COPG2: variants seen among roughly 807,000 people sequenced by gnomAD.
COPG2 encodes coatomer subunit gamma-2.
Under a neutral mutation model 46.3 loss-of-function variants are expected in COPG2, and 37 were observed. The observed-to-expected ratio is 0.80, with a 90% confidence interval of 0.61 to 1.05. The LOEUF is 1.05. Among genes scored for constraint, COPG2 ranks in the 50% least tolerant of loss-of-function variants. The pLI is 0.00. For missense variants in COPG2, 427 were observed against 387.8 expected, an observed-to-expected ratio of 1.10 and a Z score of -0.85; for synonymous variants, 159 against 129.7, an observed-to-expected ratio of 1.23 and a Z score of -1.53.
chr7:130,650,593 C>T (rs75440692), intron 5 of COPG2, among the ~76,000 whole-genome samples: 2,397 of 152,184 alleles, frequency 0.016, 41 homozygotes, highest in Admixed American at 0.032. Context: ...GTTAACTAAT[C>T]CGACATCCAT....
chr7:130,584,233 A>T (rs969274916), intron 9 of COPG2, among the ~76,000 whole-genome samples: 1 of 152,068 alleles, frequency 6.6e-6, no homozygotes, highest in African/African-American at 2.4e-5. Context: ...CAATAGATGC[A>T]GAAAAAGCAT....
chr7:130,647,793 T>C (rs563503808), intron 5 of COPG2, among the ~76,000 whole-genome samples: 15 of 151,354 alleles, frequency 9.9e-5, no homozygotes, highest in Non-Finnish European at 1.8e-4. Context: ...TGCAGTGGCA[T>C]GATCTCGGCT....
At chr7:130,643,237 C>A (rs559014981) in intron 5 of COPG2, among the ~76,000 whole-genome samples, 4 of 151,320 alleles carry the variant, frequency 2.6e-5, no homozygotes, top group African/African-American at 9.7e-5. Context: ...GGAGCTTGCA[C>A]TGAGCCAAGA....
At chr7:130,610,799 C>A (rs782559531) in intron 9 of COPG2, 154 bp downstream of exon 9, 1 of 764,424 alleles carries the variant, frequency 1.3e-6, no homozygotes, top group Non-Finnish European at 2.2e-6. Context: ...AAAAGTGTGA[C>A]TTGAAATTCC....
Position 130,663,030 on chromosome 7 carries a change from G to C in COPG2, c.180C>G (p.His60Gln), listed in dbSNP as rs1554460985. 1 of 1,533,790 alleles carries C rather than the reference G, an allele frequency of 6.5e-7. No individual in the cohort carries two copies. Among genetic ancestry groups the C allele is most frequent in the Admixed American group, 2.2e-5 (1 of 45,594 alleles). The change falls in exon 4 of 24, where the codon CAC becomes CAG. Residue 60 changes from histidine (H) to glutamine (Q), a missense_variant. Transcript: ENST00000425248. ...CTTCTGTAGCTTCCGTTGTTCCAAA[G>C]TGTTCACCCTAAGTAAAATTTAAAA... Reference protein sequence around the residue: ...KILYLLNQGEHFGTTEATEAF... With the variant: ...KILYLLNQGEQFGTTEATEAF...
At chr7:130,637,263 T>C (rs1011127242) in intron 5 of COPG2, among the ~76,000 whole-genome samples, 15 of 152,230 alleles carry the variant, frequency 9.9e-5, no homozygotes, top group African/African-American at 3.4e-4. Context: ...AATTTGAATG[T>C]TGGCCTGTCT....
chr7:130,651,658 A>G (rs1795749584), intron 5 of COPG2, among the ~76,000 whole-genome samples: 2 of 151,090 alleles, frequency 1.3e-5, no homozygotes, highest in South Asian at 4.2e-4. Context: ...CTGGGACTAC[A>G]GGCGCCCGCC....
chr7:130,603,721 CAAAAAAAAAAAA>C (rs782190006), intron 9 of COPG2: 3 of 203,050 alleles, frequency 1.5e-5, no homozygotes, highest in Non-Finnish European at 2.7e-5. Context: ...AACTCAGTCT[CAAAAAAAAAAAA>C]AAAAAAAAAA....
intron 21 of COPG2, 113 bp from the exon 22 acceptor site, chr7:130,507,936 AG>A (rs1169567844): frequency 4.4e-6 from 3 of 679,728 alleles, no homozygotes; most frequent in Non-Finnish European, 8.0e-6. Context: ...CCACCAAAAT[AG>A]TTTAAGTTCT....
chr7:130,509,352 GAC>G (rs1366522586), intron 20 of COPG2: 2 of 483,900 alleles, frequency 4.1e-6, no homozygotes, highest in Non-Finnish European at 8.3e-6. Context: ...AAAAAGTAAA[GAC>G]AGTATTTTCT....
At chr7:130,601,886 AGAAG>A (rs1190580860) in intron 9 of COPG2, among the ~76,000 whole-genome samples, 10,324 of 144,530 alleles carry the variant, frequency 0.071, 425 homozygotes, top group East Asian at 0.16. Flanking sequence ...AAGGAAGCAA[AGAAG>A]GAAGGAAGGA....
intron 9 of COPG2, among the ~76,000 whole-genome samples, chr7:130,589,069 T>C (rs1254673910): frequency 2.6e-5 from 4 of 152,174 alleles, no homozygotes; most frequent in African/African-American, 9.7e-5. Context: ...TAATTCCTGA[T>C]TAAACATTTT....
intron 9 of COPG2, among the ~76,000 whole-genome samples, chr7:130,577,125 A>C (rs1176559075): frequency 6.6e-6 from 1 of 152,240 alleles, no homozygotes; most frequent in Non-Finnish European, 1.5e-5. Context: ...TAATTTAAAA[A>C]TTACCAACAA....
At chr7:130,640,293 G>C (rs1298435737) in intron 5 of COPG2, among the ~76,000 whole-genome samples, 2 of 147,164 alleles carry the variant, frequency 1.4e-5, no homozygotes, top group Admixed American at 7.1e-5. Flanking sequence ...AAGGTATAAA[G>C]ATGAAAATTA....
chr7:130,628,721 T>A (rs900895896), intron 5 of COPG2, among the ~76,000 whole-genome samples: 17 of 152,176 alleles, frequency 1.1e-4, no homozygotes, highest in Non-Finnish European at 1.5e-5. Context: ...GTAAGACAGC[T>A]ACCAATAAAT....
chr7:130,565,968 T>C (rs987795502), intron 9 of COPG2, among the ~76,000 whole-genome samples: 9 of 152,082 alleles, frequency 5.9e-5, no homozygotes, highest in Non-Finnish European at 1.2e-4. Flanking sequence ...GGTACCAACA[T>C]TTTGGATGAT....
chr7:130,518,894 T>G (rs950955814), intron 20 of COPG2, among the ~76,000 whole-genome samples: 1,964 of 151,368 alleles, frequency 0.013, 40 homozygotes, highest in African/African-American at 0.044. Flanking sequence ...TAAGCCCAGC[T>G]ACTCGGGAGG....
chr7:130,644,854 A>G (rs1322899969), intron 5 of COPG2, among the ~76,000 whole-genome samples: 1 of 151,972 alleles, frequency 6.6e-6, no homozygotes, highest in African/African-American at 2.4e-5. Flanking sequence ...CTGAGGTCAC[A>G]AGTTCGAGAC....
At chr7:130,661,809 T>C (rs911968477) in intron 4 of COPG2, among the ~76,000 whole-genome samples, 2 of 152,152 alleles carry the variant, frequency 1.3e-5, no homozygotes, top group African/African-American at 4.8e-5. Context: ...GAAAAGAAAA[T>C]GATGAGCTCG....
Sources: allele counts gnomAD v4.1 joint callset (sites outside exome capture counted in the v4.1 genomes callset), GRCh38; gene constraint gnomAD v4.1.1; transcripts MANE v1.5; gene names NCBI Gene and HGNC (gene_info 2026-07-23, HGNC 2026-07-21).